The following AFAP1L1 variants were observed in gnomAD, a reference collection of about 807,000 sequenced individuals.
AFAP1L1 encodes actin filament associated protein 1 like 1.
A neutral mutation model predicts 99.8 loss-of-function variants in AFAP1L1; 77 were observed. The ratio of observed to expected loss-of-function variants is 0.77; its 90% confidence interval spans 0.64 to 0.93. The LOEUF (loss-of-function observed/expected upper bound fraction) is 0.93. Among genes scored for constraint, AFAP1L1 ranks in the 40% least tolerant of loss-of-function variants. The pLI, the probability that AFAP1L1 is intolerant of heterozygous loss-of-function variation, is 0.00. For synonymous variants in AFAP1L1, 373 were observed against 395.3 expected (o/e 0.94, Z 0.67); for missense variants, 893 against 996.8 (o/e 0.90, Z 1.40).
chr5:149,308,131 G>A (rs369544781), intron 7 of AFAP1L1, among the ~76,000 whole-genome samples: 2 of 151,856 alleles, frequency 1.3e-5, no homozygotes, highest in South Asian at 2.1e-4. Flanking sequence ...CTTGGGCAAC[G>A]GTGAGAGATT....
At chr5:149,272,052 A>G in intron 1 of AFAP1L1, 68 bp downstream of exon 1, 1 of 1,201,510 alleles carries the variant, frequency 8.3e-7, no homozygotes, top group Non-Finnish European at 1.0e-6. Flanking sequence ...GACGATCTGA[A>G]GCCGGAGAGG....
Position 149,302,493 on chromosome 5 carries a change from C to G in AFAP1L1, c.403C>G (p.Pro135Ala). ...DYYEEALPLG[P>A]GKSPEYISSH... is the part of the protein sequence containing the mutation. ...CTATGAAGAGGCCCTTCCTCTGGGACCCGGCAAGTCGCCTGAGTACATCAG... is the reference window on the plus strand; with the variant it reads ...CTATGAAGAGGCCCTTCCTCTGGGAGCCGGCAAGTCGCCTGAGTACATCAG... Residue 135 changes from proline to alanine, a missense_variant, in exon 5 of 19, where the codon CCC (proline) becomes GCC (alanine). Physicochemically the swap from Pro to Ala is conservative, Grantham distance 27. Coordinates refer to ENST00000296721, the MANE Select transcript of AFAP1L1 (RefSeq NM_152406.4). The G allele has an allele frequency of 6.3e-7, 1 of 1,591,048 alleles. No homozygotes were observed. Among genetic ancestry groups the G allele is most frequent in the Non-Finnish European group, 8.6e-7 (1 of 1,168,486 alleles).
intron 1 of AFAP1L1, among the ~76,000 whole-genome samples, chr5:149,290,856 T>G (rs527824185): frequency 3.3e-5 from 5 of 152,354 alleles, no homozygotes; most frequent in Admixed American, 3.3e-4. Context: ...GCTCCAAGAA[T>G]TTATTGTTCC....
chr5:149,326,545 TAAA>T (rs59762007), intron 15 of AFAP1L1, among the ~76,000 whole-genome samples: 2,554 of 129,652 alleles, frequency 0.02, 22 homozygotes, highest in Middle Eastern at 0.073. Flanking sequence ...TCGCCAAAAA[TAAA>T]AAAAAAAAAA....
At chr5:149,278,350 G>T (rs1415470746) in intron 1 of AFAP1L1, among the ~76,000 whole-genome samples, 2 of 152,018 alleles carry the variant, frequency 1.3e-5, no homozygotes, top group South Asian at 2.1e-4. Context: ...TCTCTGACGG[G>T]TCACAAATGG....
At chr5:149,308,450 T>C (rs1411409430) in intron 7 of AFAP1L1, among the ~76,000 whole-genome samples, 2 of 152,204 alleles carry the variant, frequency 1.3e-5, no homozygotes, top group Non-Finnish European at 2.9e-5. Context: ...ATCGTTCTAT[T>C]ACTTGCTTTT....
In AFAP1L1 at chr5:149,300,383, C is replaced by T. The variant is rs748804085; in HGVS notation, c.229+29C>T. On this transcript the variant is annotated intron_variant, in intron 3 of 18. Coordinates refer to ENST00000296721, the MANE Select transcript of AFAP1L1 (RefSeq NM_152406.4). ...AGTGACCCTCTCCCAACCTCAGCTA[C>T]GGAGCCATCCCTCTTTCCCTGTGTA... The T allele has an allele frequency of 4.5e-5, 71 of 1,588,396 alleles. 1 individual carries two copies. The highest frequency in any genetic ancestry group is 3.0e-4 in the Admixed American group (18 of 59,280).
In AFAP1L1 at chr5:149,317,753, A is replaced by G. The variant is rs1446012702; in HGVS notation, c.1292A>G (p.Gln431Arg). ...CCGYLNVLVNQGWKERWCRLK... is the reference protein window; with the variant it reads ...CCGYLNVLVNRGWKERWCRLK... Reference sequence around the variant, plus strand: ...GGCTACCTGAACGTGCTGGTGAACCAGGGCTGGAAGGAACGCTGGTGCCGC... The same window carrying G: ...GGCTACCTGAACGTGCTGGTGAACCGGGGCTGGAAGGAACGCTGGTGCCGC... Residue 431 changes from glutamine to arginine, a missense_variant, in exon 12 of 19, where the codon CAG becomes CGG. Gln to Arg is a conservative substitution (Grantham distance 43). Transcript: ENST00000296721. The G allele has an allele frequency of 6.2e-7, 1 of 1,614,056 alleles. No individual in the cohort carries two copies. The highest frequency in any genetic ancestry group is 1.7e-5 in the Admixed American group (1 of 60,016).
chr5:149,307,284 A>T, intron 6 of AFAP1L1, 118 bp from the exon 7 acceptor site: 1 of 1,049,394 alleles, frequency 9.5e-7, no homozygotes, highest in Non-Finnish European at 1.4e-6. Flanking sequence ...TACCAGTGTC[A>T]TGCCTAATGC....
chr5:149,328,733 G>C (rs1044883789), intron 15 of AFAP1L1, among the ~76,000 whole-genome samples: 1 of 152,110 alleles, frequency 6.6e-6, no homozygotes, highest in African/African-American at 2.4e-5. Flanking sequence ...AGAATCGCTT[G>C]AACCCCAGAG....
At chr5:149,280,852 G>A (rs750780536) in intron 1 of AFAP1L1, among the ~76,000 whole-genome samples, 12 of 152,076 alleles carry the variant, frequency 7.9e-5, no homozygotes, top group Non-Finnish European at 1.6e-4. Flanking sequence ...GGACTCCCAG[G>A]TGATGTGAAC....
chr5:149,283,556 A>G (rs783781), intron 1 of AFAP1L1, among the ~76,000 whole-genome samples: 77,155 of 152,062 alleles, frequency 0.51, 20,852 homozygotes, highest in East Asian at 0.8. Flanking sequence ...TAATTTATTC[A>G]TTTTGTTCTC....
At chr5:149,326,545 T>TAAAAAAAAAA (rs59762007) in intron 15 of AFAP1L1, among the ~76,000 whole-genome samples, 1 of 129,658 alleles carries the variant, frequency 7.7e-6, no homozygotes, top group African/African-American at 3.0e-5. Flanking sequence ...TCGCCAAAAA[T>TAAAAAAAAAA]AAAAAAAAAA....
chr5:149,322,648 C>A lies in AFAP1L1; in HGVS notation c.1741C>A (p.His581Asn). The A allele has an allele frequency of 6.3e-7, 1 of 1,592,646 alleles. No homozygotes were observed. The highest frequency in any genetic ancestry group is 8.6e-7 in the Non-Finnish European group (1 of 1,168,754). Residue 581 changes from histidine (H) to asparagine (N), a missense_variant, in exon 15 of 19, where the codon CAC becomes AAC. Physicochemically the swap from His to Asn is moderately conservative, Grantham distance 68 (BLOSUM62 1). Transcript: ENST00000296721. ...CCCCACAGGGGCCCAGGTGAAGCGTCACGCCTCCTCCTGCAGTGAGAAGTC... is the reference window on the plus strand; with the variant it reads ...CCCCACAGGGGCCCAGGTGAAGCGTAACGCCTCCTCCTGCAGTGAGAAGTC... ...ERPTGAQVKR[H>N]ASSCSEKSHR...
At chr5:149,283,522 G>C (rs988435144) in intron 1 of AFAP1L1, among the ~76,000 whole-genome samples, 1 of 151,812 alleles carries the variant, frequency 6.6e-6, no homozygotes, top group Non-Finnish European at 1.5e-5. Flanking sequence ...AAAAAACTCA[G>C]AACATACCTT....
Position 149,340,635 on chromosome 5 carries a change from G to C in AFAP1L1, c.*605G>C, listed in dbSNP as rs1166416847. ...AGTCATTCCTCATATGCTTTAGACA[G>C]AGTGCAGCTACTGGAATCTTCCAGA... On this transcript the variant is annotated 3_prime_UTR_variant, in exon 19 of 19. Transcript: ENST00000296721. The C allele has an allele frequency of 1.3e-5, 2 of 152,662 alleles. No homozygotes were observed. The highest frequency in any genetic ancestry group is 2.4e-5 in the African/African-American group (1 of 41,464). The allele number at this position is 152,662 out of a possible 1,614,324, so 9.5% of individuals were successfully genotyped here.
Position 149,321,722 on chromosome 5 carries a change from CAAAAAAAAAAAA to C in AFAP1L1, c.1699-870_1699-859del, listed in dbSNP as rs57366142. 1.9e-4 allele frequency among the ~76,000 whole-genome samples: 12 copies of C among 63,784 alleles called. 1 individual carries two copies. Among genetic ancestry groups the C allele is most frequent in the African/African-American group, 1.8e-4 (3 of 16,716 alleles). 41.8% of individuals were successfully genotyped at this position (63,784 alleles called of 152,430 possible). A position where few individuals can be genotyped will look rare whatever the true frequency, so the allele number is the denominator to read the frequency against. ...TGGGCAACAGAGCGAGACTCTGTCTCAAAAAAAAAAAAAAAAAAAAAAAAACAACGTTTAGGC... is the reference window on the plus strand; with the variant it reads ...TGGGCAACAGAGCGAGACTCTGTCTCAAAAAAAAAAAAACAACGTTTAGGC... On this transcript the variant is annotated intron_variant, in intron 14 of 18. Coordinates refer to ENST00000296721, the MANE Select transcript of AFAP1L1 (RefSeq NM_152406.4).
At chr5:149,304,536 C>T (rs550625719) in intron 5 of AFAP1L1, among the ~76,000 whole-genome samples, 45 of 152,320 alleles carry the variant, frequency 3.0e-4, no homozygotes, top group African/African-American at 9.9e-4. Context: ...AGAGAAGACA[C>T]CTCCCAGAAG....
chr5:149,337,764 A>C (rs2127606280), intron 18 of AFAP1L1, among the ~76,000 whole-genome samples: 1 of 151,458 alleles, frequency 6.6e-6, no homozygotes, highest in Middle Eastern at 3.4e-3. Context: ...AAATATATAC[A>C]TATATATATA....
Sources: allele counts gnomAD v4.1 joint callset (sites outside exome capture counted in the v4.1 genomes callset), GRCh38; gene constraint gnomAD v4.1.1; transcripts MANE v1.5; gene names NCBI Gene and HGNC (gene_info 2026-07-23, HGNC 2026-07-21).